The following INPP5F variants were observed in gnomAD, a reference collection of about 807,000 sequenced individuals.
INPP5F encodes phosphatidylinositide 4-phosphatase SAC2.
Under a neutral mutation model 137.2 loss-of-function variants are expected in INPP5F, and 97 were observed. The ratio of observed to expected loss-of-function variants is 0.71; its 90% CI spans 0.60 to 0.84. INPP5F has a LOEUF of 0.84. Ranked by LOEUF, INPP5F falls within the 40% of genes least tolerant of loss-of-function variation. INPP5F has a pLI of 0.00. For missense variants in INPP5F, 1,271 were observed against 1,371.9 expected, an observed-to-expected ratio of 0.93 and a Z score of 1.16; for synonymous variants, 504 against 476.9, an observed-to-expected ratio of 1.06 and a Z score of -0.74.
chr10:119,790,552 TTCTC>T (rs148492125), intron 3 of INPP5F, among the ~76,000 whole-genome samples: 4 of 152,056 alleles, frequency 2.6e-5, no homozygotes, highest in African/African-American at 7.2e-5. Context: ...AAAACAGGGA[TTCTC>T]TCTCTCTCAA....
chr10:119,789,806 A>T (rs1016720578), intron 3 of INPP5F, among the ~76,000 whole-genome samples: 1 of 151,706 alleles, frequency 6.6e-6, no homozygotes. Flanking sequence ...TGAGAAGGGG[A>T]TGAGGGACCA....
chr10:119,754,717 C>T (rs1848787377), intron 2 of INPP5F, among the ~76,000 whole-genome samples: 1 of 148,266 alleles, frequency 6.7e-6, no homozygotes. Context: ...CCAACCCTCT[C>T]CATGTCACTC....
At chr10:119,747,343 T>C (rs1848565645) in intron 1 of INPP5F, among the ~76,000 whole-genome samples, 1 of 151,952 alleles carries the variant, frequency 6.6e-6, no homozygotes, top group South Asian at 2.1e-4. Flanking sequence ...TGCCTCAGCC[T>C]CCCAAGAAGC....
In INPP5F at chr10:119,797,565, C is replaced by T. The variant is rs1850430387; in HGVS notation, c.973C>T (p.Gln325Ter). The T allele has an allele frequency of 6.2e-7, 1 of 1,613,054 alleles. No homozygotes were observed. Among genetic ancestry groups the T allele is most frequent in the Non-Finnish European group, 8.5e-7 (1 of 1,179,568 alleles). Reference protein sequence around the residue: ...HVHNHTLSFVQTRGSVPVFWS... With the variant: ...HVHNHTLSFV ...TCATAATCATACCCTGTCATTTGTT[C>T]AAACACGAGGCTCTGTGCCTGTCTT... Residue 325 changes from glutamine to a stop codon, truncating the protein, a stop_gained, in exon 8 of 20, where the codon CAA becomes TAA. Coordinates refer to ENST00000650623, the MANE Select transcript of INPP5F (RefSeq NM_014937.4). LOFTEE classifies it high-confidence loss of function.
intron 14 of INPP5F, among the ~76,000 whole-genome samples, chr10:119,810,610 G>T (rs544622202): frequency 3.6e-4 from 55 of 152,284 alleles, no homozygotes; most frequent in African/African-American, 1.3e-3. Flanking sequence ...TTTGTTCTGT[G>T]TTCTTGCTGT....
intron 15 of INPP5F, chr10:119,819,542 A>G (rs778128756): frequency 6.2e-7 from 1 of 1,600,040 alleles, no homozygotes; most frequent in East Asian, 2.3e-5. Context: ...GAGTGCACGT[A>G]AGTATCAACG....
chr10:119,819,395 A>T, intron 15 of INPP5F: 2 of 1,421,562 alleles, frequency 1.4e-6, no homozygotes, highest in Non-Finnish European at 1.9e-6. Context: ...ACTGGGGATC[A>T]TGTTTGGCTG....
chr10:119,735,831 C>T (rs1310341186), intron 1 of INPP5F, among the ~76,000 whole-genome samples: 1 of 152,286 alleles, frequency 6.6e-6, no homozygotes, highest in East Asian at 1.9e-4. Context: ...CAAATTACAT[C>T]GCCTAAAATT....
rs1850172916 is a variant in INPP5F, at chr10:119,792,231, A to AG, written c.669+18_669+19insG. ...AGATTGGTGTGAGTAGTTGTTTCTA[A>AG]AATTTCCTAACCGTAATGAAATTGG... On this transcript the variant is annotated intron_variant, in intron 6 of 19. Coordinates refer to ENST00000650623, the MANE Select transcript of INPP5F (RefSeq NM_014937.4). 1 of 1,568,532 alleles carries AG rather than the reference A, an allele frequency of 6.4e-7. No homozygotes were observed. The highest frequency in any genetic ancestry group is 8.8e-7 in the Non-Finnish European group (1 of 1,140,008).
Position 119,758,959 on chromosome 10 carries a change from G to C in INPP5F, c.178+7803G>C, listed in dbSNP as rs186595107. Reference sequence around the variant, plus strand: ...GACATGAAATATTTTACATATTTTAGTGGTAAATGGAGTGTCACTAGCATT... The same window carrying C: ...GACATGAAATATTTTACATATTTTACTGGTAAATGGAGTGTCACTAGCATT... On this transcript the variant is annotated intron_variant, in intron 2 of 19. Transcript: ENST00000650623. 4.9e-4 allele frequency among the ~76,000 whole-genome samples: 74 copies of C among 152,294 alleles called. 1 individual carries two copies. The East Asian group carries it at 0.013, about 27-fold the overall frequency.
At chr10:119,808,158 A>G in intron 13 of INPP5F, 98 bp downstream of exon 13, 1 of 1,418,214 alleles carries the variant, frequency 7.1e-7, no homozygotes, top group Non-Finnish European at 9.5e-7. Flanking sequence ...CAGATTGCAG[A>G]TGTGTGTAGT....
Position 119,785,286 on chromosome 10 carries a change from G to GTTTTTTTTTTTTTTTTTTTTTTT in INPP5F, c.315+3531_315+3532insTTTTTTTTTTTTTTTTTTTTTTT, listed in dbSNP as rs71019717. Reference sequence around the variant, plus strand: ...TAACCTTTTGTGGAACTGCCAGACTGTTTTTTTTTTTTTTTTGGAGACGGA... The same window carrying GTTTTTTTTTTTTTTTTTTTTTTT: ...TAACCTTTTGTGGAACTGCCAGACTGTTTTTTTTTTTTTTTTTTTTTTTTTTTTTTTTTTTTTTTGGAGACGGA... On this transcript the variant is annotated intron_variant, in intron 3 of 19. Transcript: ENST00000650623. Among the ~76,000 whole-genome samples, 63 of 106,224 alleles carry GTTTTTTTTTTTTTTTTTTTTTTT rather than the reference G, an allele frequency of 5.9e-4. 5 individuals are homozygous for GTTTTTTTTTTTTTTTTTTTTTTT. The highest frequency in any genetic ancestry group is 1.5e-3 in the African/African-American group (41 of 26,798). 69.7% of individuals were successfully genotyped at this position (106,224 alleles called of 152,430 possible).
In INPP5F at chr10:119,797,497, G is replaced by A; in HGVS notation, c.905G>A (p.Gly302Glu). Residue 302 changes from glycine (G) to glutamate (E), a missense_variant, in exon 8 of 20, where the codon GGA (glycine) becomes GAA (glutamate). By Grantham distance (98) the Gly-to-Glu change is moderately conservative. Coordinates refer to ENST00000650623, the MANE Select transcript of INPP5F (RefSeq NM_014937.4). ...AAACGAAGAGGAGTGGATAAAAATGGAAATGTTGCCAATTATGTGGAGACT... is the reference window on the plus strand; with the variant it reads ...AAACGAAGAGGAGTGGATAAAAATGAAAATGTTGCCAATTATGTGGAGACT... ...RYKRRGVDKNGNVANYVETEQ... is the reference protein window; with the variant it reads ...RYKRRGVDKNENVANYVETEQ... 6.2e-7 allele frequency: 1 copy of A among 1,612,078 alleles called. No homozygotes were observed. Among genetic ancestry groups the A allele is most frequent in the Non-Finnish European group, 8.5e-7 (1 of 1,178,956 alleles).
intron 1 of INPP5F, among the ~76,000 whole-genome samples, chr10:119,747,202 T>C (rs1267409267): frequency 6.6e-6 from 1 of 152,104 alleles, no homozygotes; most frequent in African/African-American, 2.4e-5. Context: ...ATTAGATAAA[T>C]TCTAAATTTT....
At chr10:119,761,063 T>C (rs912541359) in intron 2 of INPP5F, among the ~76,000 whole-genome samples, 14 of 152,238 alleles carry the variant, frequency 9.2e-5, no homozygotes, top group African/African-American at 3.4e-4. Flanking sequence ...CTATTTCTTA[T>C]AGTTACAAGA....
At chr10:119,726,382 G>C in intron 1 of INPP5F, 23 bp downstream of exon 1, 1 of 1,271,978 alleles carries the variant, frequency 7.9e-7, no homozygotes, top group South Asian at 2.3e-5. Flanking sequence ...GTGCGGGCGG[G>C]GGGCACCCCG....
rs775217558 is a variant in INPP5F, at chr10:119,726,274, C to T, written c.12C>T (p.Phe4=). 2.0e-6 allele frequency: 3 copies of T among 1,485,442 alleles called. No individual in the cohort carries two copies. Among genetic ancestry groups the T allele is most frequent in the Non-Finnish European group, 2.7e-6 (3 of 1,117,740 alleles). 92.0% of individuals were successfully genotyped at this position (1,485,442 alleles called of 1,614,324 possible). A position where few individuals can be genotyped will look rare whatever the true frequency, so the allele number is the denominator to read the frequency against. Residue 4 remains phenylalanine, a synonymous_variant, in exon 1 of 20, where the codon TTC becomes TTT. Transcript: ENST00000650623. MEL[F]QAKDHYILQQ... ...CGCGCGGGGCCAGCATGGAGCTCTT[C>T]CAAGCCAAGGACCACTACATCCTGC...
intron 9 of INPP5F, among the ~76,000 whole-genome samples, chr10:119,802,053 A>G (rs1242255578): frequency 6.6e-6 from 1 of 152,158 alleles, no homozygotes; most frequent in East Asian, 1.9e-4. Context: ...CATTGCTGTC[A>G]CCAGTGATTG....
intron 2 of INPP5F, among the ~76,000 whole-genome samples, chr10:119,774,378 G>A (rs965637964): frequency 6.6e-6 from 1 of 151,704 alleles, no homozygotes; most frequent in Non-Finnish European, 1.5e-5. Flanking sequence ...TTGAACCTGT[G>A]CATCCAGGCT....
Sources: gnomAD v4.1 joint callset for allele counts (sites outside exome capture counted in the v4.1 genomes callset) on GRCh38, gnomAD v4.1.1 for gene constraint, MANE v1.5 for transcripts, NCBI Gene and HGNC (gene_info 2026-07-23, HGNC 2026-07-21) for gene names.